Variants in COLGALT2 observed in about 807,000 individuals in gnomAD.
COLGALT2 encodes the protein collagen beta(1-O)galactosyltransferase 2.
COLGALT2 carries 49 observed loss-of-function variants against 73.4 expected under a neutral mutation model. That is an observed-to-expected ratio of 0.67 (90% confidence interval 0.53 to 0.85). The LOEUF is 0.85. COLGALT2 is among the 40% of genes least tolerant of loss of function. The pLI, the probability that COLGALT2 is intolerant of heterozygous loss-of-function variation, is 0.00. For missense variants in COLGALT2, 722 were observed against 790.2 expected (o/e 0.91, Z 1.03); for synonymous variants, 295 against 307.6 (o/e 0.96, Z 0.43).
intron 1 of COLGALT2, 71 bp downstream of exon 1, chr1:184,037,024 C>T (rs545185862): frequency 2.4e-6 from 3 of 1,260,990 alleles, no homozygotes; most frequent in South Asian, 2.4e-5. Flanking sequence ...GCTGCTGCTC[C>T]GGGCGCTGTC....
chr1:184,033,943 C>A (rs189112445), intron 1 of COLGALT2, among the ~76,000 whole-genome samples: 1 of 152,318 alleles, frequency 6.6e-6, no homozygotes, highest in East Asian at 1.9e-4. Context: ...TAGCTCACAG[C>A]CATTTTTGAC....
chr1:183,969,714 C>T (rs1019059106), intron 4 of COLGALT2, among the ~76,000 whole-genome samples: 1 of 152,176 alleles, frequency 6.6e-6, no homozygotes, highest in Non-Finnish European at 1.5e-5. Flanking sequence ...TTCAGCATAT[C>T]TCTAGATTTA....
chr1:183,993,908 C>T (rs1032737072), intron 1 of COLGALT2, among the ~76,000 whole-genome samples: 1 of 151,752 alleles, frequency 6.6e-6, no homozygotes, highest in Non-Finnish European at 1.5e-5. Context: ...CCAAAAGGAA[C>T]CAAAACTTTC....
rs1432056163 is a variant in COLGALT2, at chr1:183,940,722, A to G, written c.1463T>C (p.Leu488Pro). The G allele has an allele frequency of 6.2e-7, 1 of 1,614,246 alleles. No homozygotes were observed. The part of the protein sequence containing the change: ...PEKAVPNVAN[L>P]VEADYSYWTL... ...CCAGTAGGAATAGTCGGCTTCGACC[A>G]GGTTTGCCACATTGGGCACTGCTTT... The change falls in exon 11 of 12, where the codon CTG becomes CCG. Residue 488 changes from leucine to proline, a missense_variant. By Grantham distance (98) the Leu-to-Pro change is moderately conservative (BLOSUM62 -3). Coordinates refer to ENST00000361927, the MANE Select transcript of COLGALT2 (RefSeq NM_015101.4).
chr1:183,973,964 G>A (rs1671123085), intron 3 of COLGALT2, among the ~76,000 whole-genome samples: 2 of 152,024 alleles, frequency 1.3e-5, no homozygotes, highest in South Asian at 4.2e-4. Flanking sequence ...TCTGCATAAG[G>A]CACTAAGCAG....
rs1669988127 is a variant in COLGALT2, at chr1:183,937,505, G to A, written c.*1256C>T. On this transcript the variant is annotated 3_prime_UTR_variant, in exon 12 of 12. Coordinates refer to ENST00000361927, the MANE Select transcript of COLGALT2 (RefSeq NM_015101.4). Reference sequence around the variant, plus strand: ...GCCTGGGATTCTAAGAGCTTCCCTGGTTGCTGGCCTAAATCAGGTGACCAG... The same window carrying A: ...GCCTGGGATTCTAAGAGCTTCCCTGATTGCTGGCCTAAATCAGGTGACCAG... The A allele has an allele frequency of 2.0e-6, 2 of 985,324 alleles. No homozygotes were observed. The highest frequency in any genetic ancestry group is 1.7e-5 in the African/African-American group (1 of 57,216). The allele number at this position is 985,324 out of a possible 1,614,324, so 61.0% of individuals were successfully genotyped here.
At position 183,938,790 on chromosome 1, in the gene COLGALT2, C is replaced by T. The variant is rs772199060; in HGVS notation, c.1852G>A (p.Asp618Asn). 4 of 1,614,154 alleles carry T rather than the reference C, an allele frequency of 2.5e-6. No individual in the cohort carries two copies. The African/African-American group carries it at 5.3e-5, about 22-fold the overall frequency. Residue 618 changes from aspartate to asparagine, a missense_variant, in exon 12 of 12, where the codon GAC becomes AAC. Physicochemically the swap from Asp to Asn is conservative, Grantham distance 23. Transcript: ENST00000361927. ...TEALPPPTSLDTVPSRDEL is the reference protein window; with the variant it reads ...TEALPPPTSLNTVPSRDEL ...AGCTCATCCCTTGAAGGCACAGTGT[C>T]CAGGGAGGTTGGCGGTGGCAGGGCC...
intron 8 of COLGALT2, among the ~76,000 whole-genome samples, chr1:183,950,588 T>C (rs1426111890): frequency 6.6e-6 from 1 of 152,142 alleles, no homozygotes; most frequent in Non-Finnish European, 1.5e-5. Context: ...AGGCATCTCA[T>C]GCAACAGGAA....
intron 6 of COLGALT2, among the ~76,000 whole-genome samples, chr1:183,959,949 C>T (rs1670653078): frequency 6.6e-6 from 1 of 152,140 alleles, no homozygotes. Context: ...CCACTTGAGA[C>T]ATTCTTCACC....
intron 1 of COLGALT2, among the ~76,000 whole-genome samples, chr1:184,025,143 C>G (rs1649296753): frequency 6.6e-6 from 1 of 152,224 alleles, no homozygotes; most frequent in South Asian, 2.1e-4. Flanking sequence ...CAGAATGTAA[C>G]CTAATCTTTT....
chr1:183,931,161 AC>A (rs1669837013), downstream of COLGALT2, among the ~76,000 whole-genome samples: 1 of 151,748 alleles, frequency 6.6e-6, no homozygotes, highest in African/African-American at 2.4e-5. Flanking sequence ...GGATCATCAA[AC>A]CCCACTCTGA....
At chr1:184,031,401 TC>T (rs1433336378) in intron 1 of COLGALT2, among the ~76,000 whole-genome samples, 2 of 152,206 alleles carry the variant, frequency 1.3e-5, no homozygotes, top group Non-Finnish European at 2.9e-5. Flanking sequence ...AGATTAGAGT[TC>T]ACTAAAAAGT....
intron 1 of COLGALT2, among the ~76,000 whole-genome samples, chr1:184,018,650 A>T (rs1311143399): frequency 6.6e-6 from 1 of 152,196 alleles, no homozygotes; most frequent in African/African-American, 2.4e-5. Flanking sequence ...TACCTTGAAA[A>T]TCTAAATATT....
intron 5 of COLGALT2, among the ~76,000 whole-genome samples, chr1:183,968,824 C>T (rs896174109): frequency 2.0e-5 from 3 of 152,210 alleles, no homozygotes; most frequent in African/African-American, 7.2e-5. Context: ...GGACTCTGAA[C>T]ACTTTGTGGA....
intron 1 of COLGALT2, among the ~76,000 whole-genome samples, chr1:184,008,195 A>G (rs560375273): frequency 7.9e-5 from 12 of 152,348 alleles, no homozygotes; most frequent in African/African-American, 2.9e-4. Flanking sequence ...AAAGCTAATC[A>G]TGAGGAAACA....
chr1:183,991,998 G>T (rs1671640969), intron 1 of COLGALT2, among the ~76,000 whole-genome samples: 1 of 152,102 alleles, frequency 6.6e-6, no homozygotes, highest in South Asian at 2.1e-4. Flanking sequence ...ACAGCATATA[G>T]ATGTGTTGCT....
At chr1:183,978,756 C>T (rs1164010265) in intron 1 of COLGALT2, among the ~76,000 whole-genome samples, 2 of 152,090 alleles carry the variant, frequency 1.3e-5, no homozygotes, top group South Asian at 2.1e-4. Context: ...AATTGGAGAA[C>T]GTGTAAATGG....
At chr1:183,965,010 A>G (rs1670827397) in intron 5 of COLGALT2, among the ~76,000 whole-genome samples, 1 of 152,218 alleles carries the variant, frequency 6.6e-6, no homozygotes, top group Admixed American at 6.5e-5. Flanking sequence ...CAGCTACATC[A>G]TCTGTCAAAT....
rs1212280190 is a variant in COLGALT2 at position 183,985,708 on chromosome 1, C to T, written c.264-7188G>A. On this transcript the variant is annotated intron_variant, in intron 1 of 11. Coordinates refer to ENST00000361927, the MANE Select transcript of COLGALT2 (RefSeq NM_015101.4). ...TGCGATTGGTGGAGTAGCAGGATGG[C>T]AACACTGGACAACGACTGATCTATT... Among the ~76,000 whole-genome samples, 4 of 152,278 alleles carry T rather than the reference C, an allele frequency of 2.6e-5. No individual in the cohort carries two copies. In the East Asian group the frequency reaches 5.8e-4, roughly 22 times the overall value.
Sources: allele counts gnomAD v4.1 joint callset (sites outside exome capture counted in the v4.1 genomes callset), GRCh38; gene constraint gnomAD v4.1.1; transcripts MANE v1.5; gene names NCBI Gene and HGNC (gene_info 2026-07-23, HGNC 2026-07-21).